PTPRN2: variants seen among roughly 807,000 people sequenced by gnomAD.
PTPRN2 encodes protein tyrosine phosphatase receptor type N2, also known as receptor-type tyrosine-protein phosphatase N2.
Under a neutral mutation model 118.8 loss-of-function variants are expected in PTPRN2, and 74 were observed. The ratio of observed to expected loss-of-function variants is 0.62; its 90% CI spans 0.52 to 0.76. The LOEUF (loss-of-function observed/expected upper bound fraction) is 0.76. Ranked by LOEUF, PTPRN2 falls within the 30% of genes least tolerant of loss-of-function variation. PTPRN2 has a pLI of 0.00. For missense variants in PTPRN2, 1,481 were observed against 1,394.4 expected, an observed-to-expected ratio of 1.06 and a Z score of -0.99; for synonymous variants, 641 against 608.0, an observed-to-expected ratio of 1.05 and a Z score of -0.80.
rs1386848347 is a variant in PTPRN2 at position 157,611,550 on chromosome 7, C to T, written c.2345-7475G>A. The stretch of plus-strand genomic sequence containing the variant: ...CTCCCCCAAAAAGACACACTGGAGT[C>T]CCAGCCCTGGGAACATGACCTTATT... On this transcript the variant is annotated intron_variant, in intron 15 of 22. Transcript: ENST00000389418. The surrounding 1 kb of genome is among the most constrained non-coding windows in gnomAD (Gnocchi z 5.9). 1.3e-5 allele frequency among the ~76,000 whole-genome samples: 2 copies of T among 152,156 alleles called. No individual in the cohort carries two copies. Among genetic ancestry groups the T allele is most frequent in the Non-Finnish European group, 2.9e-5 (2 of 68,012 alleles).
chr7:158,039,769 A>C (rs7455243), intron 11 of PTPRN2, among the ~76,000 whole-genome samples: 76,344 of 151,982 alleles, frequency 0.5, 19,844 homozygotes, highest in Non-Finnish European at 0.56. Context: ...CACAAAGAGA[A>C]AAAGAATCAG....
At chr7:158,104,693 A>G (rs1371879435) in intron 10 of PTPRN2, among the ~76,000 whole-genome samples, 1 of 148,596 alleles carries the variant, frequency 6.7e-6, no homozygotes, top group African/African-American at 2.5e-5. Flanking sequence ...CCTCAGCACT[A>G]TCCCAACTCC....
At chr7:157,748,572 CTGGGGTGTCTGGGTGATTCTGAGGTCT>C (rs1801200961) in intron 12 of PTPRN2, among the ~76,000 whole-genome samples, 3 of 59,558 alleles carry the variant, frequency 5.0e-5, no homozygotes, top group South Asian at 6.0e-4. Flanking sequence ...TCCCTGAGCT[CTGGGGTGTCTGGGTGATTCTGAGGTCT>C]GCGTCCCTGA....
chr7:158,275,747 G>A (rs1442369273), intron 3 of PTPRN2, among the ~76,000 whole-genome samples: 1 of 152,142 alleles, frequency 6.6e-6, no homozygotes, highest in East Asian at 1.9e-4. Flanking sequence ...TCCACGTGTG[G>A]CAGGCAGAGC....
intron 15 of PTPRN2, among the ~76,000 whole-genome samples, chr7:157,606,163 ACAGCGCCCGGGCT>A (rs1801990023): frequency 1.3e-5 from 2 of 152,210 alleles, no homozygotes; most frequent in African/African-American, 4.8e-5. Flanking sequence ...CTGGGCTGTG[ACAGCGCCCGGGCT>A]CAGCCCTGAC....
At chr7:158,075,866 G>GGCA (rs1188059444) in intron 11 of PTPRN2, among the ~76,000 whole-genome samples, 1 of 152,216 alleles carries the variant, frequency 6.6e-6, no homozygotes, top group Non-Finnish European at 1.5e-5. Context: ...CGTTGATCCT[G>GGCA]GCAGCAGCTC....
intron 2 of PTPRN2, among the ~76,000 whole-genome samples, chr7:158,382,266 G>T (rs2060919): frequency 0.8 from 122,304 of 151,982 alleles, 51,115 homozygotes; most frequent in East Asian, 0.93. Flanking sequence ...CCAGGACCAG[G>T]GAGGATGGGG....
chr7:157,691,076 C>T (rs1430926878), intron 12 of PTPRN2, among the ~76,000 whole-genome samples: 3 of 120,434 alleles, frequency 2.5e-5, no homozygotes, highest in African/African-American at 5.9e-5. Context: ...GTCCCCCCCC[C>T]CCCCCACATG....
At chr7:157,724,797 T>C (rs1176657371) in intron 12 of PTPRN2, among the ~76,000 whole-genome samples, 5 of 152,200 alleles carry the variant, frequency 3.3e-5, no homozygotes, top group Admixed American at 2.0e-4. Flanking sequence ...AAGTGAGAAA[T>C]ACTAAGTCCA....
At chr7:158,447,847 C>T (rs1235705813) in intron 2 of PTPRN2, among the ~76,000 whole-genome samples, 1 of 152,270 alleles carries the variant, frequency 6.6e-6, no homozygotes, top group Non-Finnish European at 1.5e-5. Context: ...CTGCTGCCAT[C>T]CACAAAGGGG....
chr7:158,096,732 G>A (rs1814657975), intron 10 of PTPRN2, among the ~76,000 whole-genome samples: 1 of 152,190 alleles, frequency 6.6e-6, no homozygotes, highest in Non-Finnish European at 1.5e-5. Context: ...CATAACATGA[G>A]GCCCCATTCC....
At chr7:157,798,445 C>T (rs182969533) in intron 12 of PTPRN2, among the ~76,000 whole-genome samples, 184 of 151,978 alleles carry the variant, frequency 1.2e-3, no homozygotes, top group Admixed American at 3.3e-3. Context: ...AGTAACAGAC[C>T]GGCCATTTCT....
At chr7:157,817,775 CGT>C (rs1806509439) in intron 12 of PTPRN2, among the ~76,000 whole-genome samples, 1 of 151,936 alleles carries the variant, frequency 6.6e-6, no homozygotes, top group African/African-American at 2.4e-5. Flanking sequence ...GTGTGAGAGA[CGT>C]GTGTGATGTG....
chr7:158,324,138 C>T lies in PTPRN2; in HGVS notation c.164-7206G>A, dbSNP rs190344167. 2.2e-3 allele frequency among the ~76,000 whole-genome samples: 328 copies of T among 152,276 alleles called. 5 individuals carry two copies. The highest frequency in any genetic ancestry group is 1.7e-3 in the East Asian group (9 of 5,166). On this transcript the variant is annotated intron_variant, in intron 2 of 22. Coordinates refer to ENST00000389418, the MANE Select transcript of PTPRN2 (RefSeq NM_002847.5). Reference sequence around the variant, plus strand: ...GCGCACATGCACAAACTCACACGCCCACACGCGTACGCTCACACACAGTCT... The same window carrying T: ...GCGCACATGCACAAACTCACACGCCTACACGCGTACGCTCACACACAGTCT...
intron 2 of PTPRN2, among the ~76,000 whole-genome samples, chr7:158,476,567 G>A (rs528548525): frequency 6.6e-6 from 1 of 152,370 alleles, no homozygotes; most frequent in African/African-American, 2.4e-5. Flanking sequence ...GGAGAGGAGA[G>A]AGAGGGGCCC....
chr7:158,404,651 C>A (rs1813210583), intron 2 of PTPRN2, among the ~76,000 whole-genome samples: 1 of 151,976 alleles, frequency 6.6e-6, no homozygotes, highest in Non-Finnish European at 1.5e-5. Flanking sequence ...GCCTCCAGCT[C>A]CCCAGCCTCA....
At position 158,260,437 on chromosome 7, in the gene PTPRN2, G is replaced by A. The variant is rs181642084; in HGVS notation, c.278-55164C>T. 1.3e-4 allele frequency among the ~76,000 whole-genome samples: 20 copies of A among 152,308 alleles called. 1 individual carries two copies. The East Asian group carries it at 3.9e-3, about 29-fold the overall frequency. On this transcript the variant is annotated intron_variant, in intron 3 of 22. Transcript: ENST00000389418. ...TTGTCAGTAATGTATAGTAATGCAT[G>A]CATTCATAAATCATGGTTAACAGAA...
At chr7:158,528,283 C>T (rs1824941624) in intron 1 of PTPRN2, among the ~76,000 whole-genome samples, 1 of 152,158 alleles carries the variant, frequency 6.6e-6, no homozygotes, top group Admixed American at 6.5e-5. Context: ...GGGGCACCCG[C>T]CTGGGCAGCC....
In PTPRN2 at chr7:157,674,225, C is replaced by T. The variant is rs1297996775; in HGVS notation, c.2001+8500G>A. ...CAGAGAGCCATGGAGAGCTCCGGGCCGAAGGGGACTTGGGCCTGGGAGAGA... is the reference window on the plus strand; with the variant it reads ...CAGAGAGCCATGGAGAGCTCCGGGCTGAAGGGGACTTGGGCCTGGGAGAGA... On this transcript the variant is annotated intron_variant, in intron 13 of 22. Coordinates refer to ENST00000389418, the MANE Select transcript of PTPRN2 (RefSeq NM_002847.5). The surrounding 1 kb of genome is among the most constrained non-coding windows in gnomAD (Gnocchi z 4.5). Among the ~76,000 whole-genome samples, 5 of 152,208 alleles carry T rather than the reference C, an allele frequency of 3.3e-5. No individual in the cohort carries two copies. Among genetic ancestry groups the T allele is most frequent in the South Asian group, 2.1e-4 (1 of 4,828 alleles).
Sources: allele counts gnomAD v4.1 joint callset (sites outside exome capture counted in the v4.1 genomes callset), GRCh38; gene constraint gnomAD v4.1.1; non-coding constraint Gnocchi (gnomAD v3.1); transcripts MANE v1.5; gene names NCBI Gene and HGNC (gene_info 2026-07-23, HGNC 2026-07-21).